The following PCDH15 variants were observed in gnomAD, a reference collection of about 807,000 sequenced individuals.
PCDH15 encodes the protein protocadherin-15.
PCDH15 carries 129 observed loss-of-function variants against 178.5 expected under a neutral mutation model. That is an observed-to-expected ratio of 0.72 (90% confidence interval 0.63 to 0.84). PCDH15 has a LOEUF of 0.84. Among genes scored for constraint, PCDH15 ranks in the 40% least tolerant of loss-of-function variants. The pLI, the probability that PCDH15 is intolerant of heterozygous loss-of-function variation, is 0.00. For missense variants in PCDH15, 2,230 were observed against 2,099.9 expected, an observed-to-expected ratio of 1.06 and a Z score of -1.21; for synonymous variants, 800 against 732.0, an observed-to-expected ratio of 1.09 and a Z score of -1.50.
intron 3 of PCDH15, among the ~76,000 whole-genome samples, chr10:54,397,779 A>C (rs1951431517): frequency 1.3e-5 from 2 of 152,008 alleles, no homozygotes; most frequent in South Asian, 4.1e-4. Flanking sequence ...AAAAATTCTT[A>C]CATATTAGCC....
chr10:54,476,110 A>G (rs2078255875), intron 3 of PCDH15, among the ~76,000 whole-genome samples: 2 of 151,416 alleles, frequency 1.3e-5, no homozygotes, highest in African/African-American at 4.8e-5. Flanking sequence ...TTTCATTCAT[A>G]ATAAGTTACA....
At chr10:55,343,238 A>G (rs1256806105) in intron 2 of PCDH15, among the ~76,000 whole-genome samples, 9 of 152,174 alleles carry the variant, frequency 5.9e-5, no homozygotes, top group African/African-American at 1.4e-4. Context: ...GAATTAAAAG[A>G]TGTTTTCAGT....
intron 1 of PCDH15, among the ~76,000 whole-genome samples, chr10:54,709,238 C>T (rs138467713): frequency 0.037 from 5,672 of 151,642 alleles, 161 homozygotes; most frequent in Non-Finnish European, 0.056. Flanking sequence ...GTATTTGAAA[C>T]TTAATCACAT....
intron 18 of PCDH15, among the ~76,000 whole-genome samples, chr10:54,027,872 T>C (rs1237250526): frequency 6.8e-6 from 1 of 146,974 alleles, no homozygotes; most frequent in African/African-American, 2.6e-5. Flanking sequence ...ATTCAGGACA[T>C]AGGCATGGGC....
intron 2 of PCDH15, among the ~76,000 whole-genome samples, chr10:55,072,486 T>C (rs1591879442): frequency 2.0e-5 from 3 of 152,182 alleles, no homozygotes; most frequent in African/African-American, 7.2e-5. Context: ...GCAAATAAAC[T>C]AGAAAATCTA....
rs186646895 is a variant in PCDH15 at position 54,824,442 on chromosome 10, T to C, written c.-29+73008A>G. Among the ~76,000 whole-genome samples the C allele has an allele frequency of 4.6e-5, 7 of 152,148 alleles. No individual in the cohort carries two copies. The East Asian group carries it at 9.6e-4, about 21-fold the overall frequency. On this transcript the variant is annotated intron_variant, in intron 3 of 5. Coordinates refer to the PCDH15 transcript ENST00000458638. Reference sequence around the variant, plus strand: ...GGTTAGACTGAGGCTTTTTCCCATATGCTACCTTGAAGAAAGAGCACAGAA... The same window carrying C: ...GGTTAGACTGAGGCTTTTTCCCATACGCTACCTTGAAGAAAGAGCACAGAA...
chr10:54,837,459 A>G (rs1299758767), intron 3 of PCDH15, among the ~76,000 whole-genome samples: 1 of 152,292 alleles, frequency 6.6e-6, no homozygotes, highest in East Asian at 1.9e-4. Flanking sequence ...GTAAATTTGA[A>G]TCCAACTAAA....
intron 2 of PCDH15, among the ~76,000 whole-genome samples, chr10:55,384,571 G>A (rs1837608686): frequency 6.6e-6 from 1 of 152,136 alleles, no homozygotes; most frequent in African/African-American, 2.4e-5. Flanking sequence ...GAAAAGAAAA[G>A]ACTCTTATCT....
At chr10:54,376,675 A>G (rs914098279) in intron 4 of PCDH15, among the ~76,000 whole-genome samples, 1 of 151,778 alleles carries the variant, frequency 6.6e-6, no homozygotes, top group African/African-American at 2.4e-5. Context: ...ACACCTCTCC[A>G]AGTAAACTAA....
intron 18 of PCDH15, among the ~76,000 whole-genome samples, chr10:54,052,331 C>T (rs915792215): frequency 6.6e-5 from 10 of 152,308 alleles, no homozygotes; most frequent in Non-Finnish European, 1.0e-4. Flanking sequence ...GGGCTGTACC[C>T]GCCAAAACCA....
intron 8 of PCDH15, among the ~76,000 whole-genome samples, chr10:54,312,001 A>T (rs1292442127): frequency 2.0e-5 from 3 of 152,102 alleles, no homozygotes; most frequent in Non-Finnish European, 4.4e-5. Flanking sequence ...AAGTAAGGAA[A>T]ATTTCACATC....
At chr10:53,894,327 A>T (rs2081799351) in intron 26 of PCDH15, among the ~76,000 whole-genome samples, 1 of 152,206 alleles carries the variant, frequency 6.6e-6, no homozygotes, top group Non-Finnish European at 1.5e-5. Flanking sequence ...TACAAACCAC[A>T]CAAGGTCAAA....
chr10:53,876,986 A>G (rs1004612350), intron 26 of PCDH15, among the ~76,000 whole-genome samples: 1 of 152,138 alleles, frequency 6.6e-6, no homozygotes, highest in East Asian at 1.9e-4. Flanking sequence ...GGTGCAAAAA[A>G]TTACAGGATA....
intron 1 of PCDH15, among the ~76,000 whole-genome samples, chr10:54,796,266 C>G (rs77907498): frequency 0.048 from 4,127 of 86,274 alleles, 83 homozygotes; most frequent in Admixed American, 0.066. Context: ...ATCTATCTAT[C>G]TATCTATGTA....
rs116604711 is a variant in PCDH15 at position 54,094,634 on chromosome 10, G to A, written c.1918-4571C>T. On this transcript the variant is annotated intron_variant, in intron 15 of 37. Coordinates refer to ENST00000644397, the MANE Select transcript of PCDH15 (RefSeq NM_001384140.1). Reference sequence around the variant, plus strand: ...ACCACTTTAATACCTCAGGTTAAACGAATAAATGATGTGTATTTTGGATAG... The same window carrying A: ...ACCACTTTAATACCTCAGGTTAAACAAATAAATGATGTGTATTTTGGATAG... Among the ~76,000 whole-genome samples the A allele has an allele frequency of 3.0e-3, 459 of 152,220 alleles. 5 individuals are homozygous for A. The highest frequency in any genetic ancestry group is 0.01 in the African/African-American group (418 of 41,542).
At chr10:55,528,571 G>C (rs1841365257) in intron 2 of PCDH15, among the ~76,000 whole-genome samples, 1 of 152,038 alleles carries the variant, frequency 6.6e-6, no homozygotes, top group African/African-American at 2.4e-5. Flanking sequence ...ATTTTTTATG[G>C]CTGCATAGTA....
chr10:53,941,159 C>G (rs2086030759), intron 23 of PCDH15, among the ~76,000 whole-genome samples, 184 bp from the exon 24 acceptor site: 1 of 152,108 alleles, frequency 6.6e-6, no homozygotes, highest in Non-Finnish European at 1.5e-5. Context: ...AATGATGAAC[C>G]TACATTGACC....
intron 2 of PCDH15, among the ~76,000 whole-genome samples, chr10:55,526,592 A>G (rs1214359490): frequency 6.6e-6 from 1 of 151,932 alleles, no homozygotes. Flanking sequence ...GCTTTCCATC[A>G]AGCAATGTTT....
At chr10:54,105,436 G>A (rs1051275950) in intron 15 of PCDH15, among the ~76,000 whole-genome samples, 6 of 151,770 alleles carry the variant, frequency 4.0e-5, no homozygotes, top group African/African-American at 1.5e-4. Context: ...ACAATAGGCT[G>A]TCTGCAAGCT....
Sources: gnomAD v4.1 joint callset for allele counts (sites outside exome capture counted in the v4.1 genomes callset) on GRCh38, gnomAD v4.1.1 for gene constraint, MANE v1.5 for transcripts, NCBI Gene and HGNC (gene_info 2026-07-23, HGNC 2026-07-21) for gene names.